Variants in GREB1L observed in about 807,000 individuals in gnomAD.
The protein encoded by GREB1L is GREB1-like protein.
Under a neutral mutation model 200.8 loss-of-function variants are expected in GREB1L, and 17 were observed. The ratio of observed to expected loss-of-function variants is 0.08; its 90% CI spans 0.06 to 0.13. The LOEUF (loss-of-function observed/expected upper bound fraction) is 0.13. Among genes scored for constraint, GREB1L ranks in the 10% least tolerant of loss-of-function variants. GREB1L has a pLI of 1.00. For missense variants in GREB1L, 1,657 were observed against 2,367.7 expected, an observed-to-expected ratio of 0.70 and a Z score of 6.23; for synonymous variants, 789 against 893.0, an observed-to-expected ratio of 0.88 and a Z score of 2.08.
At chr18:21,437,115 G>A (rs2033598789) in intron 7 of GREB1L, among the ~76,000 whole-genome samples, 1 of 152,124 alleles carries the variant, frequency 6.6e-6, no homozygotes, top group African/African-American at 2.4e-5. Context: ...TAATTGTAGA[G>A]ACAGTGTTTC....
At chr18:21,311,373 G>A (rs1277480051) in intron 1 of GREB1L, among the ~76,000 whole-genome samples, 1 of 152,210 alleles carries the variant, frequency 6.6e-6, no homozygotes, top group Non-Finnish European at 1.5e-5. Context: ...TAGGGGTATA[G>A]AGGTTTATTC....
At chr18:21,510,294 A>C (rs2037187634) in intron 27 of GREB1L, among the ~76,000 whole-genome samples, 1 of 151,960 alleles carries the variant, frequency 6.6e-6, no homozygotes, top group Admixed American at 6.6e-5. Context: ...ACATTGTTTT[A>C]AGACTGATTT....
chr18:21,254,061 ATTTTTTTTTTTTTTTT>A (rs547876546), intron 1 of GREB1L, among the ~76,000 whole-genome samples: 1 of 70,438 alleles, frequency 1.4e-5, no homozygotes, highest in African/African-American at 6.7e-5. Context: ...TTTCAGGCAT[ATTTTTTTTTTTTTTTT>A]TTTTTTTTTT....
chr18:21,519,511 A>G (rs893986608), intron 31 of GREB1L, among the ~76,000 whole-genome samples: 2 of 152,156 alleles, frequency 1.3e-5, no homozygotes, highest in African/African-American at 2.4e-5. Context: ...CTTTTACAGT[A>G]TTTATGTAAG....
rs1442790949 is a variant in GREB1L at position 21,351,146 on chromosome 18, CCTT to C, written c.-119-14877_-119-14875del. 3.9e-5 allele frequency among the ~76,000 whole-genome samples: 6 copies of C among 152,002 alleles called. No individual in the cohort carries two copies. In the East Asian group the frequency reaches 7.7e-4, roughly 20 times the overall value. ...AACATTTATTCAAATAGGTTTTTTT[CCTT>C]CTTGTCTCTTTCTCCCTCTATTCTA... On this transcript the variant is annotated intron_variant, in intron 1 of 32. Transcript: ENST00000424526.
At chr18:21,447,233 T>C (rs1224628413) in intron 11 of GREB1L, among the ~76,000 whole-genome samples, 1 of 152,084 alleles carries the variant, frequency 6.6e-6, no homozygotes, top group Non-Finnish European at 1.5e-5. Flanking sequence ...TGCAGTGAGC[T>C]ATGATTGTGC....
intron 17 of GREB1L, among the ~76,000 whole-genome samples, chr18:21,484,891 T>TA (rs1454061465): frequency 6.6e-6 from 1 of 152,020 alleles, no homozygotes; most frequent in African/African-American, 2.4e-5. Flanking sequence ...GCAGTGACTG[T>TA]AAAAAACTAA....
chr18:21,318,562 A>G (rs1445866979), intron 1 of GREB1L, among the ~76,000 whole-genome samples: 1 of 152,234 alleles, frequency 6.6e-6, no homozygotes, highest in African/African-American at 2.4e-5. Flanking sequence ...TCTAATATCT[A>G]CAATTTTGAA....
intron 1 of GREB1L, among the ~76,000 whole-genome samples, chr18:21,324,767 G>A (rs1435486168): frequency 6.6e-6 from 1 of 152,232 alleles, no homozygotes; most frequent in Non-Finnish European, 1.5e-5. Context: ...CCGAGATCGT[G>A]CCACTGCACT....
At chr18:21,484,448 A>G (rs1338254228) in intron 17 of GREB1L, among the ~76,000 whole-genome samples, 1 of 152,150 alleles carries the variant, frequency 6.6e-6, no homozygotes, top group Non-Finnish European at 1.5e-5. Flanking sequence ...CCTTTATCTT[A>G]TTACATTTTT....
At chr18:21,283,984 G>C (rs998723814) in intron 1 of GREB1L, among the ~76,000 whole-genome samples, 4 of 152,166 alleles carry the variant, frequency 2.6e-5, no homozygotes, top group African/African-American at 9.7e-5. Flanking sequence ...TTTAAAGCCA[G>C]CTTCCTCCTT....
chr18:21,348,220 C>T (rs961994462), intron 1 of GREB1L, among the ~76,000 whole-genome samples: 4 of 151,678 alleles, frequency 2.6e-5, no homozygotes, highest in Non-Finnish European at 5.9e-5. Flanking sequence ...GCTGGGATTA[C>T]AGGCGTGAGC....
chr18:21,514,875 G>A (rs1412216398), intron 28 of GREB1L, among the ~76,000 whole-genome samples: 2 of 152,148 alleles, frequency 1.3e-5, no homozygotes, highest in Non-Finnish European at 2.9e-5. Context: ...TTGCTAGGGG[G>A]TGCTGGTCGG....
intron 7 of GREB1L, among the ~76,000 whole-genome samples, chr18:21,416,159 A>C (rs1285686568): frequency 2.6e-5 from 4 of 152,204 alleles, no homozygotes; most frequent in African/African-American, 9.7e-5. Context: ...GTTTGAGAAG[A>C]AAAGCACTCT....
chr18:21,319,966 A>T (rs2038927788), intron 1 of GREB1L, among the ~76,000 whole-genome samples: 1 of 152,230 alleles, frequency 6.6e-6, no homozygotes, highest in African/African-American at 2.4e-5. Context: ...GTCTGTGGGT[A>T]AGGCATGGTA....
At chr18:21,508,036 A>C (rs1488564095) in intron 25 of GREB1L, 82 bp from the exon 26 acceptor site, 1 of 1,341,638 alleles carries the variant, frequency 7.5e-7, no homozygotes, top group African/African-American at 1.4e-5. Context: ...CCATCTCTTA[A>C]TAACAACCTG....
chr18:21,335,410 C>A (rs1417810898), intron 1 of GREB1L, among the ~76,000 whole-genome samples: 6 of 152,064 alleles, frequency 3.9e-5, no homozygotes, highest in African/African-American at 1.4e-4. Context: ...GGATGTATAT[C>A]AAGAAGGTCT....
intron 2 of GREB1L, among the ~76,000 whole-genome samples, chr18:21,378,473 A>G (rs2040167934): frequency 6.6e-6 from 1 of 151,948 alleles, no homozygotes; most frequent in Non-Finnish European, 1.5e-5. Flanking sequence ...CTGCGACCTC[A>G]GGAGATTCTC....
intron 1 of GREB1L, among the ~76,000 whole-genome samples, chr18:21,272,639 C>T (rs2038096719): frequency 6.6e-6 from 1 of 152,190 alleles, no homozygotes; most frequent in Non-Finnish European, 1.5e-5. Flanking sequence ...CTTGACCTCT[C>T]CAGACAATAA....
Sources: gnomAD v4.1 joint callset for allele counts (sites outside exome capture counted in the v4.1 genomes callset) on GRCh38, gnomAD v4.1.1 for gene constraint, MANE v1.5 for transcripts, NCBI Gene and HGNC (gene_info 2026-07-23, HGNC 2026-07-21) for gene names.